The following PRPF31 variants were observed in gnomAD, a reference collection of about 807,000 sequenced individuals.
PRPF31 encodes the protein pre-mRNA processing factor 31, also known as U4/U6 small nuclear ribonucleoprotein Prp31.
Under a neutral mutation model 60.4 loss-of-function variants are expected in PRPF31, and 12 were observed. The ratio of observed to expected loss-of-function variants is 0.20; its 90% CI spans 0.13 to 0.32. The LOEUF is 0.32. Among genes scored for constraint, PRPF31 ranks in the 10% least tolerant of loss-of-function variants. The pLI is 1.00. For synonymous variants in PRPF31, 287 were observed against 287.9 expected, an observed-to-expected ratio of 1.00 and a Z score of 0.03; for missense variants, 431 against 687.1, an observed-to-expected ratio of 0.63 and a Z score of 4.17.
rs374154848 is a variant in PRPF31, at chr19:54,122,485, C to G, written c.323-12C>G. On this transcript the variant is annotated splice_polypyrimidine_tract_variant and intron_variant, in intron 4 of 13. Coordinates refer to ENST00000321030, the MANE Select transcript of PRPF31 (RefSeq NM_015629.4). ...CATCTCACCCGACAACCTCCTGTCCCGTTTACCCTAGACATCATCCATAAG... is the reference window on the plus strand; with the variant it reads ...CATCTCACCCGACAACCTCCTGTCCGGTTTACCCTAGACATCATCCATAAG... 15 of 1,602,832 alleles carry G rather than the reference C, an allele frequency of 9.4e-6. No homozygotes were observed. The highest frequency in any genetic ancestry group is 1.6e-4 in the Middle Eastern group (1 of 6,072).
At chr19:54,124,967 C>T (rs151253506) in intron 8 of PRPF31, 44 of 529,860 alleles carry the variant, frequency 8.3e-5, no homozygotes, top group African/African-American at 6.3e-4. Context: ...ACAGTTCAGG[C>T]CTAGCTCACG....
At position 54,131,410 on chromosome 19, in the gene PRPF31, A is replaced by G. The variant is rs1297196007; in HGVS notation, c.1478A>G (p.Lys493Arg). ...MAEFLKVKGE[K>R]SGLMST ...GAGTTCCTCAAGGTCAAGGGCGAGA[A>G]GAGTGGCCTTATGTCCACCTGAATG... The change falls in exon 14 of 14, where the codon AAG (lysine) becomes AGG (arginine). Residue 493 changes from lysine to arginine, a missense_variant. Lys to Arg is a conservative substitution (Grantham distance 26, BLOSUM62 2). Transcript: ENST00000321030. 2.5e-6 allele frequency: 4 copies of G among 1,614,004 alleles called. No homozygotes were observed. The highest frequency in any genetic ancestry group is 1.6e-4 in the Middle Eastern group (1 of 6,084).
In PRPF31 at chr19:54,121,880, G is replaced by A. The variant is rs1269106259; in HGVS notation, c.259G>A (p.Ala87Thr). 11 of 1,612,102 alleles carry A rather than the reference G, an allele frequency of 6.8e-6. No individual in the cohort carries two copies. The highest frequency in any genetic ancestry group is 2.2e-5 in the South Asian group (2 of 90,600). The change falls in exon 4 of 14, where the codon GCG becomes ACG. Residue 87 changes from alanine to threonine, a missense_variant. Physicochemically the swap from Ala to Thr is moderately conservative, Grantham distance 58 (BLOSUM62 0). This residue lies in a region of PRPF31 where 113 missense variants were observed against 173.8 expected (regional missense o/e 0.65). Coordinates refer to ENST00000321030, the MANE Select transcript of PRPF31 (RefSeq NM_015629.4). ...ASEVMGPVEA[A>T]PEYRVIVDAN... ...CACAGTGATGGGACCAGTGGAGGCC[G>A]CGCCTGAATACCGCGTCATCGTGGA... is the stretch of plus-strand genomic sequence containing the variant.
chr19:54,123,164 C>T (rs1396219203), intron 5 of PRPF31: 7 of 561,282 alleles, frequency 1.2e-5, no homozygotes, highest in East Asian at 3.0e-5. Context: ...ATTTGCACTC[C>T]GACTTGACGC....
At chr19:54,127,713 C>T (rs1252828462) in intron 9 of PRPF31, among the ~76,000 whole-genome samples, 2 of 152,202 alleles carry the variant, frequency 1.3e-5, no homozygotes, top group Non-Finnish European at 2.9e-5. Context: ...TGTCGTTTGC[C>T]AAGCACCCGG....
At position 54,125,220 on chromosome 19, in the gene PRPF31, C is replaced by T. The variant is rs587608628; in HGVS notation, c.855+564C>T. ...ACACAGGCCCGCTAGCCTGGCGGGG[C>T]GCAGTGGCTCGTGCCTGTCATCCCA... On this transcript the variant is annotated intron_variant, in intron 8 of 13. Coordinates refer to ENST00000321030, the MANE Select transcript of PRPF31 (RefSeq NM_015629.4). 894 of 165,544 alleles carry T rather than the reference C, an allele frequency of 5.4e-3. 4 individuals carry two copies. Among genetic ancestry groups the T allele is most frequent in the Non-Finnish European group, 6.4e-3 (489 of 75,950 alleles). The allele number at this position is 165,544 out of a possible 1,614,324, so 10.3% of individuals were successfully genotyped here. A position where few individuals can be genotyped will look rare whatever the true frequency, so the allele number is the denominator to read the frequency against.
chr19:54,127,927 A>C (rs2073957552), intron 9 of PRPF31, 146 bp from the exon 10 acceptor site: 2 of 1,179,044 alleles, frequency 1.7e-6, no homozygotes, highest in South Asian at 2.7e-5. Flanking sequence ...GTCAACACCA[A>C]GAAGAAAAAG....
At position 54,118,755 on chromosome 19, in the gene PRPF31, T is replaced by G. The variant is rs913094752; in HGVS notation, c.238+122T>G. ...AGCCTTTTCCAGAGCCTTCTTTTTT[T>G]TTTGTTTCACCCCAACCCGTTCCCT... On this transcript the variant is annotated intron_variant, in intron 3 of 13. Transcript: ENST00000321030. The G allele has an allele frequency of 7.4e-5, 72 of 976,436 alleles. No individual in the cohort carries two copies. The East Asian group carries it at 1.7e-3, about 23-fold the overall frequency. 60.5% of individuals were successfully genotyped at this position (976,436 alleles called of 1,614,324 possible).
chr19:54,126,551 G>T lies in PRPF31; in HGVS notation c.879G>T (p.Arg293=), dbSNP rs1341762558. ...LPPDLRRKAA[R]LVAAKCTLAA... ...AGGATCTGCGGCGGAAAGCGGCCCG[G>T]CTGGTGGCCGCCAAGTGCACACTGG... The change falls in exon 9 of 14, where the codon CGG becomes CGT. Residue 293 remains arginine (R), a synonymous_variant. Transcript: ENST00000321030. 1 of 1,613,030 alleles carries T rather than the reference G, an allele frequency of 6.2e-7. No individual in the cohort carries two copies. Among genetic ancestry groups the T allele is most frequent in the East Asian group, 2.2e-5 (1 of 44,866 alleles).
chr19:54,122,741 G>C, intron 5 of PRPF31, 147 bp downstream of exon 5: 1 of 747,156 alleles, frequency 1.3e-6, no homozygotes, highest in Non-Finnish European at 2.4e-6. Flanking sequence ...CAGCGTGGGA[G>C]GGACGGAGCC....
rs1328273017 is a variant in PRPF31, at chr19:54,123,921, G to A, written c.697+3G>A. The stretch of plus-strand genomic sequence containing the variant: ...ATCCACGGCCGCCAAGATCATGGGT[G>A]AGTCCCCGGGCTGGGTCCCATGGAG... On this transcript the variant is annotated splice_donor_region_variant and intron_variant, in intron 7 of 13. Coordinates refer to ENST00000321030, the MANE Select transcript of PRPF31 (RefSeq NM_015629.4). 1.9e-6 allele frequency: 3 copies of A among 1,613,386 alleles called. No homozygotes were observed.
intron 7 of PRPF31, 143 bp downstream of exon 7, chr19:54,124,061 G>T: frequency 2.0e-6 from 3 of 1,475,338 alleles, no homozygotes; most frequent in Non-Finnish European, 2.7e-6. Context: ...AGGTCAGCCA[G>T]CCTGGCACAC....
chr19:54,129,894 T>A (rs1371839112), intron 13 of PRPF31, among the ~76,000 whole-genome samples: 3 of 152,028 alleles, frequency 2.0e-5, no homozygotes, highest in Admixed American at 1.3e-4. Context: ...AGCGAGCTCA[T>A]CTGCCCAGTC....
Position 54,129,038 on chromosome 19 carries a change from C to T in PRPF31, c.1147-19C>T, listed in dbSNP as rs762986403. Reference sequence around the variant, plus strand: ...AGGGCCTGGTCGCTGAACTGCAGGGCGCCTCCTCTCCCCCCTAGATCGAGG... The same window carrying T: ...AGGGCCTGGTCGCTGAACTGCAGGGTGCCTCCTCTCCCCCCTAGATCGAGG... On this transcript the variant is annotated intron_variant, in intron 11 of 13. Coordinates refer to ENST00000321030, the MANE Select transcript of PRPF31 (RefSeq NM_015629.4). 51 of 1,561,710 alleles carry T rather than the reference C, an allele frequency of 3.3e-5. No individual in the cohort carries two copies. Among genetic ancestry groups the T allele is most frequent in the Non-Finnish European group, 3.6e-5 (42 of 1,153,198 alleles).
intron 3 of PRPF31, among the ~76,000 whole-genome samples, chr19:54,119,267 A>G (rs1433780591): frequency 6.6e-6 from 1 of 151,808 alleles, no homozygotes; most frequent in Non-Finnish European, 1.5e-5. Flanking sequence ...CTGTAGTCCC[A>G]GCTACTCAGG....
chr19:54,131,671 G>A lies in PRPF31; in HGVS notation c.*239G>A. The A allele has an allele frequency of 3.3e-6, 2 of 605,590 alleles. No individual in the cohort carries two copies. The highest frequency in any genetic ancestry group is 5.8e-6 in the Non-Finnish European group (2 of 342,784). The allele number at this position is 605,590 out of a possible 1,614,324, so 37.5% of individuals were successfully genotyped here. A position where few individuals can be genotyped will look rare whatever the true frequency, so the allele number is the denominator to read the frequency against. On this transcript the variant is annotated 3_prime_UTR_variant, in exon 14 of 14. Transcript: ENST00000321030. ...GCCTTGTCTTTTTTAACTGAGAAAG[G>A]AGATTTTTTGAAAAGAGTACAATTA...
rs201443830 is a variant in PRPF31 at position 54,123,445 on chromosome 19, C to T, written c.421-9C>T. ...CCGAGCCTCCCCTATCTTCTCTGCT[C>T]GCCCCCAGGAGCTGGGCAACAGCCT... On this transcript the variant is annotated splice_polypyrimidine_tract_variant and intron_variant, in intron 5 of 13. Coordinates refer to ENST00000321030, the MANE Select transcript of PRPF31 (RefSeq NM_015629.4). The T allele has an allele frequency of 5.3e-5, 85 of 1,610,962 alleles. 1 individual carries two copies. The East Asian group carries it at 1.6e-3, about 31-fold the overall frequency.
intron 4 of PRPF31, 134 bp downstream of exon 4, chr19:54,122,077 T>G: frequency 1.1e-6 from 1 of 950,940 alleles, no homozygotes; most frequent in Non-Finnish European, 1.6e-6. Context: ...TGTCACAGAG[T>G]GGCTGAAATA....
Position 54,129,196 on chromosome 19 carries a change from GA to G in PRPF31, c.1275+12del. ...TCCAAGACGCTGCAGGTATGGGCCAGACCCAGGTGGGGCTGGGGACCGAGGG... is the reference window on the plus strand; with the variant it reads ...TCCAAGACGCTGCAGGTATGGGCCAGCCCAGGTGGGGCTGGGGACCGAGGG... On this transcript the variant is annotated intron_variant, in intron 12 of 13. Coordinates refer to ENST00000321030, the MANE Select transcript of PRPF31 (RefSeq NM_015629.4). 6.3e-7 allele frequency: 1 copy of G among 1,592,558 alleles called. No homozygotes were observed. The highest frequency in any genetic ancestry group is 1.1e-5 in the South Asian group (1 of 88,100).
Sources: gnomAD v4.1 joint callset for allele counts (sites outside exome capture counted in the v4.1 genomes callset) on GRCh38, gnomAD v4.1.1 for gene constraint, gnomAD v4.1.1 regional missense constraint, MANE v1.5 for transcripts, NCBI Gene and HGNC (gene_info 2026-07-23, HGNC 2026-07-21) for gene names.